Variants in ECE2 observed in about 807,000 individuals in gnomAD.
ECE2 encodes endothelin converting enzyme 2.
ECE2 carries 81 observed loss-of-function variants against 100.6 expected under a neutral mutation model. That is an observed-to-expected ratio of 0.81 (90% CI 0.67 to 0.97). The LOEUF (loss-of-function observed/expected upper bound fraction) is 0.97, where lower values mean the gene tolerates loss of function less well. Among genes scored for constraint, ECE2 ranks in the 50% least tolerant of loss-of-function variants. The probability of loss-of-function intolerance (pLI) is 0.00; values close to 1 mark genes in which losing one functional copy is unlikely to be tolerated. For missense variants in ECE2, 911 were observed against 988.1 expected (o/e 0.92, Z 1.05); for synonymous variants, 391 against 391.5 (o/e 1.00, Z 0.02).
At position 184,278,859 on chromosome 3, in the gene ECE2, C is replaced by G. The variant is rs535408002; in HGVS notation, c.816+302C>G. ...CATTGCCACAGGAAGCGTTCAGTGT[C>G]GATGGGTTCATGGACCTAGATAGCT... On this transcript the variant is annotated intron_variant, in intron 7 of 18. Coordinates refer to ENST00000404464, the MANE Select transcript of ECE2 (RefSeq NM_001100121.2). 1.6e-5 allele frequency: 7 copies of G among 436,042 alleles called. No homozygotes were observed. In the East Asian group the frequency reaches 2.2e-4, roughly 13 times the overall value. The allele number at this position is 436,042 out of a possible 1,614,324, so 27.0% of individuals were successfully genotyped here. A position where few individuals can be genotyped will look rare whatever the true frequency, so the allele number is the denominator to read the frequency against.
At chr3:184,285,698 T>C (rs1268999520) in intron 10 of ECE2, 106 bp downstream of exon 10, 11 of 839,452 alleles carry the variant, frequency 1.3e-5, no homozygotes, top group Non-Finnish European at 1.9e-5. Flanking sequence ...GTGCATAGTA[T>C]GGAGCGCAGA....
chr3:184,290,661 A>C lies in ECE2; in HGVS notation c.1760A>C (p.His587Pro). The change falls in exon 15 of 19, where the codon CAC becomes CCC. Residue 587 changes from histidine (H) to proline (P), a missense_variant. Physicochemically the swap from His to Pro is moderately conservative, Grantham distance 77. Coordinates refer to ENST00000404464, the MANE Select transcript of ECE2 (RefSeq NM_001100121.2). The part of the protein sequence containing the change: ...ILQAPFYARN[H>P]PKALNFGGIG... ...CAGGCCCCCTTCTATGCCCGCAACC[A>C]CCCCAAGTGTGTCTGAAGCAGGAGG... 2 of 1,613,732 alleles carry C rather than the reference A, an allele frequency of 1.2e-6. No homozygotes were observed. Among genetic ancestry groups the C allele is most frequent in the East Asian group, 2.2e-5 (1 of 44,876 alleles).
Position 184,276,207 on chromosome 3 carries a change from C to G in ECE2, c.39+15C>G. The G allele has an allele frequency of 1.4e-6, 2 of 1,441,028 alleles. No individual in the cohort carries two copies. The highest frequency in any genetic ancestry group is 2.8e-5 in the South Asian group (2 of 70,272). The allele number at this position is 1,441,028 out of a possible 1,614,324, so 89.3% of individuals were successfully genotyped here. A position where few individuals can be genotyped will look rare whatever the true frequency, so the allele number is the denominator to read the frequency against. On this transcript the variant is annotated intron_variant, in intron 1 of 18. Coordinates refer to ENST00000404464, the MANE Select transcript of ECE2 (RefSeq NM_001100121.2). ...CTGGCAGCAACGTGAGTGGGGGCCCCGGGCTCCACGGGAGGGGACTGGGTG... is the reference window on the plus strand; with the variant it reads ...CTGGCAGCAACGTGAGTGGGGGCCCGGGGCTCCACGGGAGGGGACTGGGTG...
In ECE2 at chr3:184,283,168, T is replaced by A. The variant is rs140710578; in HGVS notation, c.817-617T>A. ...GCAGAGCACTTACTCTGTGTTCTAG[T>A]CCCTAGAGACAGCAGTGAGTAAGCT... On this transcript the variant is annotated intron_variant, in intron 7 of 18. Transcript: ENST00000404464. 1.2e-3 allele frequency among the ~76,000 whole-genome samples: 179 copies of A among 152,170 alleles called. 2 individuals carry two copies. In the South Asian group the frequency reaches 0.028, roughly 24 times the overall value.
chr3:184,287,495 C>T (rs1721109792), intron 10 of ECE2, among the ~76,000 whole-genome samples: 1 of 151,996 alleles, frequency 6.6e-6, no homozygotes, highest in African/African-American at 2.4e-5. Context: ...AGTTCAAGAC[C>T]AGCCTGGGAA....
Position 184,281,141 on chromosome 3 carries a change from CCTT to C in ECE2, c.816+2587_816+2589del, listed in dbSNP as rs146800638. Among the ~76,000 whole-genome samples the C allele has an allele frequency of 3.7e-3, 564 of 152,258 alleles. 3 individuals are homozygous for C. Among genetic ancestry groups the C allele is most frequent in the African/African-American group, 0.011 (450 of 41,542 alleles). On this transcript the variant is annotated intron_variant, in intron 7 of 18. Transcript: ENST00000404464. ...GCTGTGGAGTAGGACAACCATTTGT[CCTT>C]CTGTCATTCATTCAGAAACATCTGC...
At chr3:184,279,016 G>A (rs1720699799) in intron 7 of ECE2, 1 of 162,202 alleles carries the variant, frequency 6.2e-6, no homozygotes, top group Non-Finnish European at 1.4e-5. Flanking sequence ...ATGCTGGGTA[G>A]AAAGAAGTTT....
chr3:184,291,928 C>A lies in ECE2; in HGVS notation c.2122-134C>A. 1 of 1,019,020 alleles carries A rather than the reference C, an allele frequency of 9.8e-7. No homozygotes were observed. Among genetic ancestry groups the A allele is most frequent in the Non-Finnish European group, 1.4e-6 (1 of 696,734 alleles). The allele number at this position is 1,019,020 out of a possible 1,614,324, so 63.1% of individuals were successfully genotyped here. ...ATGTCCATGCTGGGCAACCCGATGT[C>A]CAGGGCAGTTTTGGAAGGAACTTGG... On this transcript the variant is annotated intron_variant, in intron 18 of 18. Transcript: ENST00000404464. This position sits in a 1 kb window ranked among gnomAD's most constrained non-coding sequence, Gnocchi z 4.1.
Position 184,292,254 on chromosome 3 carries a change from G to A in ECE2, c.*16G>A, listed in dbSNP as rs1560190082. The A allele has an allele frequency of 6.2e-7, 1 of 1,613,382 alleles. No homozygotes were observed. The highest frequency in any genetic ancestry group is 2.2e-5 in the East Asian group (1 of 44,876). On this transcript the variant is annotated 3_prime_UTR_variant, in exon 19 of 19. Coordinates refer to ENST00000404464, the MANE Select transcript of ECE2 (RefSeq NM_001100121.2). ...GGTGTGGTAGACCTGGATCAGGGGA[G>A]AAATGGCCAGCTGTCACCAGACCTG...
intron 7 of ECE2, 35 bp downstream of exon 7, chr3:184,278,592 CT>C (rs1560181990): frequency 6.2e-7 from 1 of 1,610,282 alleles, no homozygotes; most frequent in Non-Finnish European, 8.5e-7. Context: ...ATCCCTACCC[CT>C]GGCTGAGCTG....
rs1721318910 is a variant in ECE2, at chr3:184,291,494, G to A, written c.2121+55G>A. The A allele has an allele frequency of 6.9e-7, 1 of 1,457,252 alleles. No homozygotes were observed. Among genetic ancestry groups the A allele is most frequent in the East Asian group, 2.4e-5 (1 of 42,426 alleles). The allele number at this position is 1,457,252 out of a possible 1,614,324, so 90.3% of individuals were successfully genotyped here. On this transcript the variant is annotated intron_variant, in intron 18 of 18. Transcript: ENST00000404464. The surrounding 1 kb of genome is among the most constrained non-coding windows in gnomAD (Gnocchi z 4.1). ...GCCCCTTTGTCCTGCTCCCTCCTGA[G>A]TATGTCATTAGGAGAACTCTGGGGC...
rs750734822 is a variant in ECE2, at chr3:184,292,109, G to A, written c.2169G>A (p.Val723=). 5.0e-6 allele frequency: 8 copies of A among 1,614,032 alleles called. No homozygotes were observed. The highest frequency in any genetic ancestry group is 5.9e-6 in the Non-Finnish European group (7 of 1,180,022). The change falls in exon 19 of 19, where the codon GTG becomes GTA. Residue 723 remains valine (V), a synonymous_variant. Transcript: ENST00000404464. ...RTPESSHEGL[V]TDPHSPARFR... is the part of the protein sequence containing the mutation. The stretch of plus-strand genomic sequence containing the variant: ...CAGAGAGCTCTCACGAGGGGCTGGT[G>A]ACCGACCCCCACAGCCCTGCCCGCT...
At chr3:184,278,413 C>G (rs1018314065) in intron 6 of ECE2, 79 bp from the exon 7 acceptor site, 1 of 1,589,340 alleles carries the variant, frequency 6.3e-7, no homozygotes, top group Non-Finnish European at 8.6e-7. Flanking sequence ...CCCCCGGCCC[C>G]ACCCCTACCC....
chr3:184,291,291 G>T lies in ECE2; in HGVS notation c.2026-53G>T. 1 of 1,589,084 alleles carries T rather than the reference G, an allele frequency of 6.3e-7. No homozygotes were observed. Among genetic ancestry groups the T allele is most frequent in the Non-Finnish European group, 8.6e-7 (1 of 1,165,716 alleles). On this transcript the variant is annotated intron_variant, in intron 17 of 18. Coordinates refer to ENST00000404464, the MANE Select transcript of ECE2 (RefSeq NM_001100121.2). This position sits in a 1 kb window ranked among gnomAD's most constrained non-coding sequence, Gnocchi z 4.1. ...CTGCTGGCCTGGGGTGAAAGGTGCC[G>T]GGTGGGTGGGGGCAGGCCTGGATGG...
At position 184,276,051 on chromosome 3, in the gene ECE2, C is replaced by A; in HGVS notation, c.-103C>A. The A allele has an allele frequency of 8.6e-7, 1 of 1,166,066 alleles. No individual in the cohort carries two copies. The highest frequency in any genetic ancestry group is 1.1e-6 in the Non-Finnish European group (1 of 944,832). The allele number at this position is 1,166,066 out of a possible 1,614,324, so 72.2% of individuals were successfully genotyped here. On this transcript the variant is annotated 5_prime_UTR_variant, in exon 1 of 19. Coordinates refer to ENST00000404464, the MANE Select transcript of ECE2 (RefSeq NM_001100121.2). ...CCGAGCGGGGGTGCTGCGCGGCGGC[C>A]GTGATGGCTGGTGACGGCGGGGCCG...
Position 184,287,930 on chromosome 3 carries a change from C to A in ECE2, c.1357C>A (p.Arg453=). The part of the protein sequence containing the change: ...GSLFVKATFD[R]QSKEIAEGMI... ...CCTCTTCGTGAAGGCCACGTTTGAC[C>A]GGCAAAGCAAAGAAATTGTGAGTCT... The change falls in exon 11 of 19, where the codon CGG becomes AGG. Residue 453 remains arginine, a synonymous_variant. Coordinates refer to ENST00000404464, the MANE Select transcript of ECE2 (RefSeq NM_001100121.2). The A allele has an allele frequency of 6.2e-7, 1 of 1,614,008 alleles. No homozygotes were observed. Among genetic ancestry groups the A allele is most frequent in the Non-Finnish European group, 8.5e-7 (1 of 1,179,930 alleles).
At chr3:184,283,566 A>T (rs1720896539) in intron 7 of ECE2, among the ~76,000 whole-genome samples, 1 of 22,608 alleles carries the variant, frequency 4.4e-5, no homozygotes, top group East Asian at 9.9e-4. Flanking sequence ...CATCTCAAAA[A>T]AAAAAAAAAA....
Position 184,285,584 on chromosome 3 carries a change from A to T in ECE2, c.1255A>T (p.Thr419Ser), listed in dbSNP as rs1305541242. ...GAAGCTGCTGGAGACCCTCTATGGC[A>T]CTAAGAAGGTGGGCTTTCTGATTTT... ...QEKLLETLYGTKKSCVPRWQT... is the reference protein window; with the variant it reads ...QEKLLETLYGSKKSCVPRWQT... The change falls in exon 10 of 19, where the codon ACT becomes TCT. Residue 419 changes from threonine to serine, a missense_variant. Thr to Ser is a moderately conservative substitution (Grantham distance 58). Transcript: ENST00000404464. 3.1e-6 allele frequency: 5 copies of T among 1,613,078 alleles called. No individual in the cohort carries two copies. In the South Asian group the frequency reaches 4.4e-5, roughly 14 times the overall value.
In ECE2 at chr3:184,276,441, C is replaced by G. The variant is rs1006299381; in HGVS notation, c.40-40C>G. On this transcript the variant is annotated intron_variant, in intron 1 of 18. Transcript: ENST00000404464. ...GGCAGGGTCGTGGGCAAATAGCCCT[C>G]TCTGCCTGACCTCGGTTGGCAACCC... 1.4e-5 allele frequency: 22 copies of G among 1,579,222 alleles called. No individual in the cohort carries two copies. The African/African-American group carries it at 2.8e-4, about 20-fold the overall frequency.
Sources: allele counts gnomAD v4.1 joint callset (sites outside exome capture counted in the v4.1 genomes callset), GRCh38; gene constraint gnomAD v4.1.1; non-coding constraint Gnocchi (gnomAD v3.1); transcripts MANE v1.5; gene names NCBI Gene and HGNC (gene_info 2026-07-23, HGNC 2026-07-21).